The following TOX2 variants were observed in gnomAD, a reference collection of about 807,000 sequenced individuals.
The protein encoded by TOX2 is granulosa cell HMG box 1.
Under a neutral mutation model 47.4 loss-of-function variants are expected in TOX2, and 15 were observed. The ratio of observed to expected loss-of-function variants is 0.32; its 90% CI spans 0.21 to 0.49. The LOEUF (loss-of-function observed/expected upper bound fraction) is 0.49. Ranked by LOEUF, TOX2 falls within the 20% of genes least tolerant of loss-of-function variation. The probability of loss-of-function intolerance (pLI) is 0.99; values close to 1 mark genes in which losing one functional copy is unlikely to be tolerated. For missense variants in TOX2, 622 were observed against 673.1 expected, an observed-to-expected ratio of 0.92 and a Z score of 0.84; for synonymous variants, 290 against 296.6, an observed-to-expected ratio of 0.98 and a Z score of 0.23.
chr20:44,055,765 C>T (rs1049405138), intron 5 of TOX2, among the ~76,000 whole-genome samples: 7 of 152,112 alleles, frequency 4.6e-5, no homozygotes, highest in African/African-American at 1.7e-4. Flanking sequence ...AGAGCATGTC[C>T]TGGGAGCCTC....
intron 2 of TOX2, among the ~76,000 whole-genome samples, chr20:43,984,795 G>A (rs763690565): frequency 9.9e-5 from 15 of 152,182 alleles, no homozygotes; most frequent in Non-Finnish European, 2.2e-4. Context: ...TCTCTAAATG[G>A]GATGGAAACA....
At chr20:43,962,739 C>A (rs928710639) in intron 1 of TOX2, among the ~76,000 whole-genome samples, 1 of 152,168 alleles carries the variant, frequency 6.6e-6, no homozygotes, top group Non-Finnish European at 1.5e-5. Flanking sequence ...TCAGCTCTTC[C>A]GTCTCTGGGG....
chr20:44,044,314 A>G (rs891278082), intron 3 of TOX2, among the ~76,000 whole-genome samples: 2 of 152,140 alleles, frequency 1.3e-5, no homozygotes, highest in African/African-American at 4.8e-5. Flanking sequence ...ATGAGGAGAT[A>G]TACCTAATGT....
chr20:44,046,303 C>T (rs564957151), intron 3 of TOX2, among the ~76,000 whole-genome samples: 105 of 152,302 alleles, frequency 6.9e-4, no homozygotes, highest in African/African-American at 2.4e-3. Flanking sequence ...GGATAAATAA[C>T]TTCACGTTAG....
chr20:44,042,774 A>G (rs2071353164), intron 3 of TOX2, among the ~76,000 whole-genome samples: 1 of 152,212 alleles, frequency 6.6e-6, no homozygotes, highest in Non-Finnish European at 1.5e-5. Context: ...GAGGATCAAC[A>G]AGCCAATGAA....
chr20:43,941,747 G>C (rs1450065492), intron 1 of TOX2, among the ~76,000 whole-genome samples: 1 of 152,208 alleles, frequency 6.6e-6, no homozygotes, highest in Non-Finnish European at 1.5e-5. Flanking sequence ...ATGTTGCACA[G>C]GAAGAGCTCA....
Position 44,066,093 on chromosome 20 carries a change from C to T in TOX2, c.1342C>T (p.Pro448Ser). Residue 448 changes from proline (P) to serine (S), a missense_variant, in exon 7 of 9, where the codon CCT becomes TCT. By Grantham distance (74) the Pro-to-Ser change is moderately conservative. This residue lies in a region of TOX2 where 294 missense variants were observed against 300.0 expected (regional missense o/e 0.98). Transcript: ENST00000341197. Reference sequence around the variant, plus strand: ...GGTGCAGCTGGCGATGAGCCCCTCACCTCCAGGGCCACAGGTAAGCAGGGA... The same window carrying T: ...GGTGCAGCTGGCGATGAGCCCCTCATCTCCAGGGCCACAGGTAAGCAGGGA... ...LQVQLAMSPS[P>S]PGPQDFPHIS... 9 of 1,554,340 alleles carry T rather than the reference C, an allele frequency of 5.8e-6. No individual in the cohort carries two copies. The highest frequency in any genetic ancestry group is 7.8e-6 in the Non-Finnish European group (9 of 1,150,630).
chr20:44,036,175 C>T (rs756346098), intron 3 of TOX2, among the ~76,000 whole-genome samples: 2 of 152,196 alleles, frequency 1.3e-5, no homozygotes, highest in Admixed American at 6.5e-5. Flanking sequence ...AGGGGGCCGT[C>T]GGGCCGTGCA....
chr20:44,024,032 T>A (rs936673328), intron 3 of TOX2, among the ~76,000 whole-genome samples: 1 of 152,212 alleles, frequency 6.6e-6, no homozygotes, highest in African/African-American at 2.4e-5. Context: ...GTATTGAGGT[T>A]CCACTATCTT....
At position 43,952,121 on chromosome 20, in the gene TOX2, T is replaced by C. The variant is rs1600676315; in HGVS notation, c.100-21246T>C. 5.3e-5 allele frequency among the ~76,000 whole-genome samples: 8 copies of C among 152,154 alleles called. No homozygotes were observed. In the South Asian group the frequency reaches 1.7e-3, roughly 32 times the overall value. ...TTTCACCATGTTAGCCAGGATGGTC[T>C]CGATCTCCTGACCTCGTGATCTGCC... On this transcript the variant is annotated intron_variant, in intron 1 of 8. Transcript: ENST00000341197.
chr20:43,944,789 C>T (rs921163443), intron 1 of TOX2, among the ~76,000 whole-genome samples: 6 of 152,196 alleles, frequency 3.9e-5, no homozygotes, highest in African/African-American at 1.4e-4. Flanking sequence ...TTAATAGCAC[C>T]TGGCATAGTA....
intron 2 of TOX2, among the ~76,000 whole-genome samples, chr20:43,991,614 C>CATT (rs143981680): frequency 0.029 from 4,166 of 141,602 alleles, 82 homozygotes; most frequent in African/African-American, 0.056. Flanking sequence ...AGGCAATAAT[C>CATT]ATTATTATTA....
intron 3 of TOX2, 110 bp from the exon 4 acceptor site, chr20:44,051,196 G>A (rs375838230): frequency 5.8e-5 from 85 of 1,463,960 alleles, no homozygotes; most frequent in East Asian, 4.2e-4. Context: ...AGCAGGAGCC[G>A]CACCCATCAC....
chr20:44,053,912 G>A (rs1331734415), intron 4 of TOX2, among the ~76,000 whole-genome samples: 1 of 152,240 alleles, frequency 6.6e-6, no homozygotes, highest in Non-Finnish European at 1.5e-5. Context: ...AACTTTGCCC[G>A]GTAGAGATGC....
At chr20:43,993,545 A>G (rs923614308) in intron 2 of TOX2, among the ~76,000 whole-genome samples, 8 of 152,108 alleles carry the variant, frequency 5.3e-5, no homozygotes, top group African/African-American at 1.9e-4. Flanking sequence ...GGGGAAATGG[A>G]CTTGGTGGGT....
chr20:43,931,241 C>T (rs1343140088), intron 1 of TOX2, among the ~76,000 whole-genome samples: 3 of 152,136 alleles, frequency 2.0e-5, no homozygotes, highest in Non-Finnish European at 2.9e-5. Flanking sequence ...TGGGCTCAAG[C>T]GATCCTCCTG....
At chr20:43,927,629 T>TC (rs2069189593) in intron 1 of TOX2, among the ~76,000 whole-genome samples, 3 of 105,878 alleles carry the variant, frequency 2.8e-5, no homozygotes, top group African/African-American at 1.2e-4. Context: ...TCCTTCCTCC[T>TC]TCCTTCCTTC....
chr20:44,039,103 G>C, intron 3 of TOX2: 6 of 1,272,898 alleles, frequency 4.7e-6, no homozygotes, highest in Non-Finnish European at 6.2e-6. Flanking sequence ...TGGGAGGCAG[G>C]TGTCTCTGCA....
chr20:43,919,988 C>T (rs2069096610), intron 1 of TOX2, among the ~76,000 whole-genome samples: 1 of 152,230 alleles, frequency 6.6e-6, no homozygotes. Context: ...GATTCTTGGG[C>T]TCCACCCCCA....
Sources: gnomAD v4.1 joint callset for allele counts (sites outside exome capture counted in the v4.1 genomes callset) on GRCh38, gnomAD v4.1.1 for gene constraint, gnomAD v4.1.1 regional missense constraint, MANE v1.5 for transcripts, NCBI Gene and HGNC (gene_info 2026-07-23, HGNC 2026-07-21) for gene names.